GARRE1: variants seen among roughly 807,000 people sequenced by gnomAD.
GARRE1 encodes granule associated Rac and RHOG effector 1, also known as granule associated Rac and RHOG effector protein 1.
A neutral mutation model predicts 103.2 loss-of-function variants in GARRE1; 49 were observed. The observed-to-expected ratio is 0.47, with a 90% CI of 0.38 to 0.60. The LOEUF is 0.60. Ranked by LOEUF, GARRE1 falls within the 20% of genes least tolerant of loss-of-function variation. The pLI is 0.00. For synonymous variants in GARRE1, 505 were observed against 532.8 expected, an observed-to-expected ratio of 0.95 and a Z score of 0.72; for missense variants, 1,199 against 1,370.5, an observed-to-expected ratio of 0.87 and a Z score of 1.98.
intron 2 of GARRE1, among the ~76,000 whole-genome samples, chr19:34,317,387 G>T (rs1412362625): frequency 6.6e-6 from 1 of 152,242 alleles, no homozygotes; most frequent in Non-Finnish European, 1.5e-5. Flanking sequence ...AGCTGTGAGA[G>T]TGTGAACCCA....
At chr19:34,298,775 T>C (rs1472276847) in intron 1 of GARRE1, among the ~76,000 whole-genome samples, 1 of 152,186 alleles carries the variant, frequency 6.6e-6, no homozygotes, top group Non-Finnish European at 1.5e-5. Context: ...ATTTGAACTT[T>C]TGTTTGGGAG....
In GARRE1 at chr19:34,353,049, C is replaced by A; in HGVS notation, c.*94C>A. 1 of 1,213,720 alleles carries A rather than the reference C, an allele frequency of 8.2e-7. No individual in the cohort carries two copies. Among genetic ancestry groups the A allele is most frequent in the Admixed American group, 2.6e-5 (1 of 38,890 alleles). The allele number at this position is 1,213,720 out of a possible 1,614,324, so 75.2% of individuals were successfully genotyped here. A position where few individuals can be genotyped will look rare whatever the true frequency, so the allele number is the denominator to read the frequency against. On this transcript the variant is annotated 3_prime_UTR_variant, in exon 14 of 14. Coordinates refer to ENST00000299505, the MANE Select transcript of GARRE1 (RefSeq NM_014686.5). ...CCCAGGGCCACTTAGCTGACACCAG[C>A]CCCTCAGAGGACCAGTGCGCCCCAT...
At chr19:34,256,327 C>T (rs1246184070) in intron 1 of GARRE1, among the ~76,000 whole-genome samples, 1 of 151,510 alleles carries the variant, frequency 6.6e-6, no homozygotes, top group East Asian at 2.0e-4. Context: ...GCCTGGCCAA[C>T]GTGGTGAAAC....
rs2923787 is a variant in GARRE1 at position 34,303,685 on chromosome 19, G to T, written c.495+2717G>T. Among the ~76,000 whole-genome samples the T allele has an allele frequency of 8.3e-3, 1,264 of 151,728 alleles. 19 individuals carry two copies. The highest frequency in any genetic ancestry group is 0.029 in the African/African-American group (1,205 of 41,392). ...GGCTGGAGTGCAATGGCGTGATCTC[G>T]GCTCACTGCAGCCTCCGCTGCCCGG... On this transcript the variant is annotated intron_variant, in intron 2 of 13. Coordinates refer to ENST00000299505, the MANE Select transcript of GARRE1 (RefSeq NM_014686.5).
rs368671239 is a variant in GARRE1 at position 34,300,648 on chromosome 19, G to C, written c.175G>C (p.Ala59Pro). Reference protein sequence around the residue: ...ATTAPLGSLTAAGSCHHAMPH... With the variant: ...ATTAPLGSLTPAGSCHHAMPH... ...CACTGCCCCCCTGGGCAGTCTGACC[G>C]CTGCAGGCAGCTGCCACCATGCCAT... Residue 59 changes from alanine (A) to proline (P), a missense_variant, in exon 2 of 14, where the codon GCT (alanine) becomes CCT (proline). Coordinates refer to ENST00000299505, the MANE Select transcript of GARRE1 (RefSeq NM_014686.5). The C allele has an allele frequency of 8.1e-6, 13 of 1,613,594 alleles. 1 individual carries two copies. In the South Asian group the frequency reaches 1.4e-4, roughly 18 times the overall value.
chr19:34,293,750 C>CTTTTTTT lies in GARRE1; in HGVS notation c.-795-5909_-795-5903dup, dbSNP rs71165643. 6.4e-5 allele frequency among the ~76,000 whole-genome samples: 3 copies of CTTTTTTT among 47,178 alleles called. 1 individual carries two copies. Among genetic ancestry groups the CTTTTTTT allele is most frequent in the Non-Finnish European group, 1.1e-4 (3 of 26,514 alleles). 31.0% of individuals were successfully genotyped at this position (47,178 alleles called of 152,430 possible). The stretch of plus-strand genomic sequence containing the variant: ...CACACACACACACACACACATATTT[C>CTTTTTTT]TTTTTTTTTTTTTTTTTTTTTTTTT... On this transcript the variant is annotated intron_variant, in intron 1 of 13. Transcript: ENST00000299505.
chr19:34,255,967 G>T (rs959831264), intron 1 of GARRE1, among the ~76,000 whole-genome samples: 1 of 151,498 alleles, frequency 6.6e-6, no homozygotes, highest in African/African-American at 2.4e-5. Context: ...TTAGTCTCCC[G>T]AGTAGCTGAG....
In GARRE1 at chr19:34,292,244, G is replaced by A. The variant is rs532991431; in HGVS notation, c.-795-7435G>A. Among the ~76,000 whole-genome samples the A allele has an allele frequency of 2.6e-5, 4 of 152,240 alleles. No homozygotes were observed. In the South Asian group the frequency reaches 8.3e-4, roughly 32 times the overall value. ...TCATACAATAGGAGTCTCCTTGTCT[G>A]GCTTCTTTCACTTAGCACAGTGTTT... is the stretch of plus-strand genomic sequence containing the variant. On this transcript the variant is annotated intron_variant, in intron 1 of 13. Coordinates refer to ENST00000299505, the MANE Select transcript of GARRE1 (RefSeq NM_014686.5).
chr19:34,333,823 C>G (rs1218666370), intron 8 of GARRE1, 22 bp downstream of exon 8: 7 of 1,389,746 alleles, frequency 5.0e-6, no homozygotes, highest in Non-Finnish European at 7.2e-6. Flanking sequence ...CTTACTTTCA[C>G]CGGAGCCTAA....
chr19:34,280,330 G>GT (rs2145221604), intron 1 of GARRE1, among the ~76,000 whole-genome samples: 1 of 152,348 alleles, frequency 6.6e-6, no homozygotes, highest in East Asian at 1.9e-4. Flanking sequence ...GATTAGTGAT[G>GT]TTGAGCATCT....
chr19:34,333,694 T>TG lies in GARRE1; in HGVS notation c.1264-10_1264-9insG. The TG allele has an allele frequency of 7.2e-7, 1 of 1,398,172 alleles. No individual in the cohort carries two copies. Among genetic ancestry groups the TG allele is most frequent in the Non-Finnish European group, 9.9e-7 (1 of 1,010,740 alleles). 86.6% of individuals were successfully genotyped at this position (1,398,172 alleles called of 1,614,324 possible). The stretch of plus-strand genomic sequence containing the variant: ...TGTTATTTGTTTTTTTTTTTTTTTT[T>TG]CGATCTTAGGTGGTGGTTGACACAG... On this transcript the variant is annotated splice_polypyrimidine_tract_variant and intron_variant, in intron 7 of 13. Transcript: ENST00000299505.
chr19:34,338,470 G>A (rs201800788), intron 8 of GARRE1, among the ~76,000 whole-genome samples: 28 of 152,278 alleles, frequency 1.8e-4, no homozygotes, highest in East Asian at 5.8e-4. Flanking sequence ...CCAGGAGGTC[G>A]AGGATAACAG....
intron 6 of GARRE1, among the ~76,000 whole-genome samples, chr19:34,329,088 A>T (rs188933489): frequency 1.8e-3 from 270 of 152,336 alleles, no homozygotes; most frequent in Non-Finnish European, 3.4e-3. Context: ...TGTTCCAGTC[A>T]TTGTGCCAGG....
chr19:34,327,965 C>T (rs974388362), intron 5 of GARRE1, 25 bp from the exon 6 acceptor site: 2 of 1,614,130 alleles, frequency 1.2e-6, no homozygotes, highest in Non-Finnish European at 1.7e-6. Flanking sequence ...GGTCACCTCT[C>T]CTCTTCCATC....
chr19:34,342,901 G>C (rs2145280829), intron 10 of GARRE1, among the ~76,000 whole-genome samples: 1 of 151,776 alleles, frequency 6.6e-6, no homozygotes, highest in South Asian at 2.1e-4. Context: ...TGCCTTCATA[G>C]AATACAGCTT....
At chr19:34,308,011 A>G (rs1568538292) in intron 2 of GARRE1, among the ~76,000 whole-genome samples, 1 of 151,092 alleles carries the variant, frequency 6.6e-6, no homozygotes, top group African/African-American at 2.4e-5. Context: ...CACAACAACA[A>G]ATTTCTTTTG....
At chr19:34,324,052 C>T (rs1015715502) in intron 3 of GARRE1, among the ~76,000 whole-genome samples, 2 of 152,156 alleles carry the variant, frequency 1.3e-5, no homozygotes, top group Non-Finnish European at 2.9e-5. Flanking sequence ...AGAGGAGGTG[C>T]CCTCTCCTCC....
intron 1 of GARRE1, among the ~76,000 whole-genome samples, chr19:34,266,014 A>G (rs563888443): frequency 1.3e-5 from 2 of 152,240 alleles, no homozygotes; most frequent in South Asian, 4.1e-4. Context: ...TGGAGCATCT[A>G]CCTGAAAGGC....
rs759272541 is a variant in GARRE1 at position 34,330,337 on chromosome 19, A to G, written c.1253A>G (p.Gln418Arg). ...CKTAVQLLFG[Q>R]AGLVVVDTAQ... is the part of the protein sequence containing the mutation. ...ACGGCGGTGCAGCTGCTGTTTGGCC[A>G]GGCTGGACTGGTGAGTGAGCGTGGG... Residue 418 changes from glutamine (Q) to arginine (R), a missense_variant, in exon 7 of 14, where the codon CAG becomes CGG. Gln to Arg is a conservative substitution (Grantham distance 43). Transcript: ENST00000299505. 1.2e-6 allele frequency: 2 copies of G among 1,614,220 alleles called. No individual in the cohort carries two copies. The highest frequency in any genetic ancestry group is 1.7e-6 in the Non-Finnish European group (2 of 1,180,026).
Sources: allele counts gnomAD v4.1 joint callset (sites outside exome capture counted in the v4.1 genomes callset), GRCh38; gene constraint gnomAD v4.1.1; transcripts MANE v1.5; gene names NCBI Gene and HGNC (gene_info 2026-07-23, HGNC 2026-07-21).